PHF2: variants seen among roughly 807,000 people sequenced by gnomAD.
PHF2 encodes lysine-specific demethylase PHF2.
In PHF2, 27 loss-of-function variants were observed where a neutral mutation model predicts 120.5. That is an observed-to-expected ratio of 0.22 (90% CI 0.17 to 0.31). The LOEUF (loss-of-function observed/expected upper bound fraction) is 0.31, where lower values mean the gene tolerates loss of function less well. Among genes scored for constraint, PHF2 ranks in the 10% least tolerant of loss-of-function variants. The probability of loss-of-function intolerance (pLI) is 1.00; values close to 1 mark genes in which losing one functional copy is unlikely to be tolerated. For synonymous variants in PHF2, 568 were observed against 592.5 expected, an observed-to-expected ratio of 0.96 and a Z score of 0.60; for missense variants, 1,024 against 1,434.8, an observed-to-expected ratio of 0.71 and a Z score of 4.63.
chr9:93,615,303 TG>T lies in PHF2; in HGVS notation c.99-14666del, dbSNP rs1263273615. ...ATAGTAATGATGGTGATGGTGATGA[TG>T]TGTGATAGTGATAGTGATGATGGTG... On this transcript the variant is annotated intron_variant, in intron 1 of 21. Transcript: ENST00000359246. 3.3e-5 allele frequency among the ~76,000 whole-genome samples: 5 copies of T among 149,270 alleles called. No individual in the cohort carries two copies. In the East Asian group the frequency reaches 1.0e-3, roughly 30 times the overall value.
At chr9:93,630,121 C>A in intron 2 of PHF2, 66 bp downstream of exon 2, 1 of 1,487,872 alleles carries the variant, frequency 6.7e-7, no homozygotes, top group Non-Finnish European at 9.4e-7. Flanking sequence ...GCCTGGGCTG[C>A]GTGGAGGGTG....
intron 1 of PHF2, among the ~76,000 whole-genome samples, chr9:93,607,952 A>T (rs1825570340): frequency 6.8e-6 from 1 of 148,130 alleles, no homozygotes. Context: ...AGAGAGAGAG[A>T]GAGAGAGAGA....
At position 93,593,112 on chromosome 9, in the gene PHF2, G is replaced by GA. The variant is rs1336946456; in HGVS notation, c.98+16250dup. On this transcript the variant is annotated intron_variant, in intron 1 of 21. Coordinates refer to ENST00000359246, the MANE Select transcript of PHF2 (RefSeq NM_005392.4). ...AAAAAAAAAAAAAAAAAAAAAAAAA[G>GA]AAAAAAAAAGGACTAAGAACAGATG... Among the ~76,000 whole-genome samples, 31 of 97,488 alleles carry GA rather than the reference G, an allele frequency of 3.2e-4. No homozygotes were observed. In the East Asian group the frequency reaches 6.7e-3, roughly 21 times the overall value. 64.0% of individuals were successfully genotyped at this position (97,488 alleles called of 152,430 possible). A position where few individuals can be genotyped will look rare whatever the true frequency, so the allele number is the denominator to read the frequency against.
chr9:93,654,500 A>T lies in PHF2; in HGVS notation c.877A>T (p.Met293Leu), dbSNP rs775618937. 3.7e-6 allele frequency: 6 copies of T among 1,614,040 alleles called. No individual in the cohort carries two copies. The highest frequency in any genetic ancestry group is 1.7e-6 in the Non-Finnish European group (2 of 1,180,008). ...RWRSASNHSE[M>L]FFADQVDKCY... ...GCGGTCTGCCTCTAACCACAGCGAGATGTTCTTTGCTGACCAGGTCGACAA... is the reference window on the plus strand; with the variant it reads ...GCGGTCTGCCTCTAACCACAGCGAGTTGTTCTTTGCTGACCAGGTCGACAA... The change falls in exon 7 of 22, where the codon ATG becomes TTG. Residue 293 changes from methionine (M) to leucine (L), a missense_variant. Transcript: ENST00000359246.
chr9:93,634,446 G>A (rs1307958464), intron 2 of PHF2, among the ~76,000 whole-genome samples: 4 of 152,292 alleles, frequency 2.6e-5, no homozygotes, highest in Non-Finnish European at 1.5e-5. Context: ...AGAAGCAGGG[G>A]CTCCCAAGCA....
chr9:93,653,381 CG>C lies in PHF2; in HGVS notation c.789+20del. ...CGTGCTCAAGGTGAGCCACGCCCCT[CG>C]GGGCACCTCTGCCTTGCCATGGCCA... On this transcript the variant is annotated intron_variant, in intron 6 of 21. Transcript: ENST00000359246. 1 of 1,611,154 alleles carries C rather than the reference CG, an allele frequency of 6.2e-7. No individual in the cohort carries two copies. The highest frequency in any genetic ancestry group is 8.5e-7 in the Non-Finnish European group (1 of 1,178,730).
intron 1 of PHF2, among the ~76,000 whole-genome samples, chr9:93,621,442 C>T (rs1825824628): frequency 6.6e-6 from 1 of 152,232 alleles, no homozygotes; most frequent in South Asian, 2.1e-4. Flanking sequence ...GGCCTTTCAC[C>T]TGTGCCACCC....
intron 1 of PHF2, among the ~76,000 whole-genome samples, chr9:93,606,445 C>T (rs1564378566): frequency 6.6e-6 from 1 of 152,202 alleles, no homozygotes; most frequent in Non-Finnish European, 1.5e-5. Context: ...TTTTAATTTG[C>T]ATTTCCCTGA....
rs1307508253 is a variant in PHF2, at chr9:93,656,530, C to G, written c.1082C>G (p.Thr361Ser). 6.2e-7 allele frequency: 1 copy of G among 1,613,938 alleles called. No individual in the cohort carries two copies. ...AGGAGGTTGAAACTGGGCAGCCTGA[C>G]TCAGTTTCCCAACTTTGAAACTGCG... Reference protein sequence around the residue: ...VERRLKLGSLTQFPNFETACW... With the variant: ...VERRLKLGSLSQFPNFETACW... The change falls in exon 9 of 22, where the codon ACT becomes AGT. Residue 361 changes from threonine to serine, a missense_variant. Transcript: ENST00000359246. The surrounding 1 kb of genome is among the most constrained non-coding windows in gnomAD (Gnocchi z 4.1).
chr9:93,597,673 G>A (rs981280745), intron 1 of PHF2, among the ~76,000 whole-genome samples: 6 of 152,162 alleles, frequency 3.9e-5, no homozygotes, highest in Admixed American at 3.3e-4. Flanking sequence ...GTAGTCCTGA[G>A]GTGAGGGAGG....
chr9:93,627,492 A>ATGTTTTTTTTTTTTTTTTTTTTT (rs1825931883), intron 1 of PHF2, among the ~76,000 whole-genome samples: 1 of 108,176 alleles, frequency 9.2e-6, no homozygotes, highest in Non-Finnish European at 1.8e-5. Flanking sequence ...TTATTTCAGG[A>ATGTTTTTTTTTTTTTTTTTTTTT]TTTTTTTTTT....
rs758091302 is a variant in PHF2 at position 93,665,769 on chromosome 9, G to A, written c.2021G>A (p.Arg674Gln). The change falls in exon 15 of 22, where the codon CGG (arginine) becomes CAG (glutamine). Residue 674 changes from arginine (R) to glutamine (Q), a missense_variant. Arg to Gln is a conservative substitution (Grantham distance 43). Transcript: ENST00000359246. ...AAGGAGGACAAGCCCAAGCCCGTGC[G>A]GGATGAGTATGAGTACGTGTCGGAT... ...NFKEDKPKPV[R>Q]DEYEYVSDDG... is the part of the protein sequence containing the mutation. 10 of 1,614,042 alleles carry A rather than the reference G, an allele frequency of 6.2e-6. No individual in the cohort carries two copies. The highest frequency in any genetic ancestry group is 2.2e-5 in the East Asian group (1 of 44,876).
At chr9:93,601,219 C>T (rs557969757) in intron 1 of PHF2, among the ~76,000 whole-genome samples, 18 of 152,296 alleles carry the variant, frequency 1.2e-4, no homozygotes, top group African/African-American at 3.6e-4. Context: ...GCAGATTGGC[C>T]GGGGCCCACC....
chr9:93,615,192 G>A (rs1446050524), intron 1 of PHF2, among the ~76,000 whole-genome samples: 10 of 142,504 alleles, frequency 7.0e-5, no homozygotes, highest in Admixed American at 6.9e-4. Flanking sequence ...TGATGGCGAT[G>A]GTGATGATGA....
At chr9:93,635,177 T>G (rs10992816) in intron 2 of PHF2, among the ~76,000 whole-genome samples, 3,057 of 152,190 alleles carry the variant, frequency 0.02, 72 homozygotes, top group East Asian at 0.1. Flanking sequence ...GCAGGGAGAT[T>G]GAACACAATG....
intron 5 of PHF2, among the ~76,000 whole-genome samples, chr9:93,651,011 G>A (rs1826360184): frequency 6.6e-6 from 1 of 151,970 alleles, no homozygotes; most frequent in Admixed American, 6.6e-5. Flanking sequence ...CAAGACTTTG[G>A]GAGGCTGAGG....
At chr9:93,659,868 C>A (rs1443448954) in intron 11 of PHF2, among the ~76,000 whole-genome samples, 1 of 152,208 alleles carries the variant, frequency 6.6e-6, no homozygotes, top group Admixed American at 6.5e-5. Context: ...GGGGAGGGCA[C>A]TCTGTGGGAG....
chr9:93,652,123 G>A (rs867538259), intron 5 of PHF2, among the ~76,000 whole-genome samples: 5 of 152,150 alleles, frequency 3.3e-5, no homozygotes, highest in South Asian at 2.1e-4. Context: ...AGTCTTGTCC[G>A]GGGACAACTT....
At chr9:93,583,911 C>T (rs1046773405) in intron 1 of PHF2, among the ~76,000 whole-genome samples, 4 of 151,296 alleles carry the variant, frequency 2.6e-5, no homozygotes, top group African/African-American at 9.7e-5. Context: ...TCACCACAAC[C>T]TCTGCCTCCC....
Sources: gnomAD v4.1 joint callset for allele counts (sites outside exome capture counted in the v4.1 genomes callset) on GRCh38, gnomAD v4.1.1 for gene constraint, Gnocchi (gnomAD v3.1) non-coding constraint, MANE v1.5 for transcripts, NCBI Gene and HGNC (gene_info 2026-07-23, HGNC 2026-07-21) for gene names.